Variants in KDM4C observed in about 807,000 individuals in gnomAD.
The protein encoded by KDM4C is lysine-specific demethylase 4C.
In KDM4C, 81 loss-of-function variants were observed where a neutral mutation model predicts 129.3. The ratio of observed to expected loss-of-function variants is 0.63; its 90% CI spans 0.52 to 0.75. KDM4C has a LOEUF of 0.75. KDM4C is among the 30% of genes least tolerant of loss of function. KDM4C has a pLI of 0.00. For synonymous variants in KDM4C, 573 were observed against 456.1 expected, an observed-to-expected ratio of 1.26 and a Z score of -3.26; for missense variants, 1,457 against 1,304.0, an observed-to-expected ratio of 1.12 and a Z score of -1.81.
intron 4 of KDM4C, among the ~76,000 whole-genome samples, chr9:6,821,111 A>G (rs1346238445): frequency 6.6e-6 from 1 of 152,174 alleles, no homozygotes; most frequent in African/African-American, 2.4e-5. Flanking sequence ...TTCTTAATCC[A>G]GTCTATCATT....
intron 4 of KDM4C, among the ~76,000 whole-genome samples, chr9:6,838,097 A>G (rs1380244181): frequency 2.6e-5 from 4 of 152,204 alleles, no homozygotes; most frequent in Non-Finnish European, 1.5e-5. Flanking sequence ...TTAGTTTAAT[A>G]ATGATATATT....
At chr9:6,788,156 C>T (rs1825852165) in intron 1 of KDM4C, among the ~76,000 whole-genome samples, 1 of 152,148 alleles carries the variant, frequency 6.6e-6, no homozygotes, top group South Asian at 2.1e-4. Context: ...TATAAAATAG[C>T]CACCCCTCCC....
chr9:6,883,936 C>T (rs1165399850), intron 6 of KDM4C, among the ~76,000 whole-genome samples: 4 of 152,088 alleles, frequency 2.6e-5, no homozygotes, highest in Non-Finnish European at 4.4e-5. Context: ...AAACCCCATG[C>T]GTGTAATGAC....
At chr9:6,998,354 C>A (rs2132006263) in intron 12 of KDM4C, among the ~76,000 whole-genome samples, 1 of 152,280 alleles carries the variant, frequency 6.6e-6, no homozygotes, top group South Asian at 2.1e-4. Context: ...TCATTTAACC[C>A]ATCTAACCCA....
intron 4 of KDM4C, chr9:6,835,573 T>C: frequency 9.7e-7 from 1 of 1,028,630 alleles, no homozygotes; most frequent in Admixed American, 1.7e-5. Flanking sequence ...TTCAAATGCT[T>C]CTAGGCGGAC....
chr9:6,735,242 C>G (rs1181777720), intron 1 of KDM4C, among the ~76,000 whole-genome samples: 3 of 151,986 alleles, frequency 2.0e-5, no homozygotes, highest in African/African-American at 4.8e-5. Flanking sequence ...ATCACCTGAC[C>G]TCTTTTGTTT....
intron 10 of KDM4C, among the ~76,000 whole-genome samples, chr9:6,985,073 G>A (rs981372887): frequency 1.3e-5 from 2 of 152,132 alleles, no homozygotes; most frequent in South Asian, 2.1e-4. Context: ...CCCTCCGCCA[G>A]AATCCGACTC....
At chr9:6,775,873 C>T (rs765844421) in intron 1 of KDM4C, among the ~76,000 whole-genome samples, 1 of 152,056 alleles carries the variant, frequency 6.6e-6, no homozygotes, top group African/African-American at 2.4e-5. Context: ...TTGGTAATTC[C>T]TTGTTGTGGG....
intron 4 of KDM4C, among the ~76,000 whole-genome samples, chr9:6,840,792 C>T (rs1008542252): frequency 1.3e-5 from 2 of 152,286 alleles, no homozygotes; most frequent in Non-Finnish European, 2.9e-5. Flanking sequence ...TTTTGTTTTC[C>T]TAGCATGGGG....
chr9:6,840,364 A>G (rs1019660921), intron 4 of KDM4C, among the ~76,000 whole-genome samples: 2 of 151,518 alleles, frequency 1.3e-5, no homozygotes, highest in African/African-American at 4.9e-5. Flanking sequence ...CGAGCCACTG[A>G]ACCTGGCCTT....
At chr9:6,919,269 TTCTGTCTCTCTCTCTC>T (rs1820973163) in intron 8 of KDM4C, among the ~76,000 whole-genome samples, 6 of 147,326 alleles carry the variant, frequency 4.1e-5, no homozygotes, top group South Asian at 2.1e-4. Context: ...CTTTCTTTCT[TTCTGTCTCTCTCTCTC>T]TCTTTCTTTC....
chr9:6,786,700 T>C (rs1825572623), intron 1 of KDM4C, among the ~76,000 whole-genome samples: 1 of 152,166 alleles, frequency 6.6e-6, no homozygotes, highest in African/African-American at 2.4e-5. Flanking sequence ...GGGGATTTAA[T>C]TGTAGCATGA....
At chr9:7,170,456 G>C (rs867078750) in intron 21 of KDM4C, 1 of 986,116 alleles carries the variant, frequency 1.0e-6, no homozygotes, top group Admixed American at 6.1e-5. Context: ...TTTTTAAAAA[G>C]GAAATAGTAG....
At chr9:6,726,500 C>A (rs1427294297) in intron 1 of KDM4C, 1 of 152,204 alleles carries the variant, frequency 6.6e-6, no homozygotes, top group African/African-American at 2.4e-5. Context: ...CCACTTTTAC[C>A]AGGGAATGAA....
intron 12 of KDM4C, among the ~76,000 whole-genome samples, chr9:7,005,321 G>C (rs1340461955): frequency 1.3e-5 from 2 of 151,764 alleles, no homozygotes; most frequent in African/African-American, 2.4e-5. Flanking sequence ...TGTAATCCCA[G>C]CTACTCGGGA....
intron 5 of KDM4C, among the ~76,000 whole-genome samples, chr9:6,864,855 T>A (rs1380936129): frequency 3.9e-5 from 6 of 151,954 alleles, no homozygotes; most frequent in African/African-American, 1.4e-4. Context: ...TGTATGTGCC[T>A]GTCTTCAAGC....
intron 5 of KDM4C, among the ~76,000 whole-genome samples, chr9:6,865,755 A>AT (rs941691419): frequency 2.1e-4 from 21 of 98,896 alleles, no homozygotes; most frequent in East Asian, 1.6e-3. Context: ...TATTTTATTT[A>AT]TTTTTTTTTT....
chr9:6,855,458 CAAAAAAAAAAAAAAA>C (rs34177301), intron 5 of KDM4C, among the ~76,000 whole-genome samples: 2 of 70,088 alleles, frequency 2.9e-5, no homozygotes, highest in South Asian at 4.5e-4. Context: ...GACTCCGTCT[CAAAAAAAAAAAAAAA>C]AAAAAAAAAA....
At chr9:6,978,321 A>G (rs16925027) in intron 8 of KDM4C, among the ~76,000 whole-genome samples, 31,498 of 150,120 alleles carry the variant, frequency 0.21, 3,482 homozygotes, top group Non-Finnish European at 0.23. Context: ...CCATTGCATA[A>G]TAATTCCAAA....
Sources: allele counts gnomAD v4.1 joint callset (sites outside exome capture counted in the v4.1 genomes callset), GRCh38; gene constraint gnomAD v4.1.1; transcripts MANE v1.5; gene names NCBI Gene and HGNC (gene_info 2026-07-23, HGNC 2026-07-21).